Variants in IFNG observed in about 807,000 individuals in gnomAD.
The protein encoded by IFNG is interferon gamma.
IFNG carries 8 observed loss-of-function variants against 14.4 expected under a neutral mutation model. The observed-to-expected ratio is 0.56, with a 90% confidence interval of 0.33 to 1.00. The LOEUF is 1.00. Among genes scored for constraint, IFNG ranks in the 50% least tolerant of loss-of-function variants. The pLI, the probability that IFNG is intolerant of heterozygous loss-of-function variation, is 0.03. For synonymous variants in IFNG, 73 were observed against 65.4 expected (o/e 1.12, Z -0.56); for missense variants, 132 against 194.9 (o/e 0.68, Z 1.92).
At chr12:68,157,849 G>T in intron 3 of IFNG, 64 bp downstream of exon 3, 1 of 1,189,428 alleles carries the variant, frequency 8.4e-7, no homozygotes, top group Non-Finnish European at 1.2e-6. Flanking sequence ...TCTACTTTCT[G>T]GAGAATAAAT....
chr12:68,157,914 G>A lies in IFNG; in HGVS notation c.365C>T (p.Ser122Leu), dbSNP rs1476472852. Residue 122 changes from serine (S) to leucine (L), a missense_variant and splice_region_variant, in exon 3 of 4, where the codon TCG becomes TTG. By Grantham distance (145) the Ser-to-Leu change is moderately radical. Coordinates refer to ENST00000229135, the MANE Select transcript of IFNG (RefSeq NM_000619.3). ...RDDFEKLTNY[S>L]VTDLNVQRKA... ...AAGAAAGAATTTAAATAGCCTCACCGAATAATTAGTCAGCTTTTCGAAGTC... is the reference window on the plus strand; with the variant it reads ...AAGAAAGAATTTAAATAGCCTCACCAAATAATTAGTCAGCTTTTCGAAGTC... 1 of 1,588,924 alleles carries A rather than the reference G, an allele frequency of 6.3e-7. No individual in the cohort carries two copies. Among genetic ancestry groups the A allele is most frequent in the Non-Finnish European group, 8.6e-7 (1 of 1,165,810 alleles).
chr12:68,157,361 A>G (rs1882616315), intron 3 of IFNG, among the ~76,000 whole-genome samples: 2 of 152,090 alleles, frequency 1.3e-5, no homozygotes, highest in Non-Finnish European at 2.9e-5. Flanking sequence ...CTCATTTTCT[A>G]TTCTTTGCAT....
rs776667149 is a variant in IFNG at position 68,159,616 on chromosome 12, C to T, written c.-1G>A. ...CCAAGATATAACTTGTATATTTCAT[C>T]GTTTCCGAGAGAATTAAGCCAAAGA... On this transcript the variant is annotated 5_prime_UTR_variant, in exon 1 of 4. Coordinates refer to ENST00000229135, the MANE Select transcript of IFNG (RefSeq NM_000619.3). 4.5e-6 allele frequency: 7 copies of T among 1,539,658 alleles called. No individual in the cohort carries two copies. The South Asian group carries it at 4.6e-5, about 10-fold the overall frequency.
At position 68,158,236 on chromosome 12, in the gene IFNG, C is replaced by A. The variant is rs369065118; in HGVS notation, c.138G>T (p.Ala46=). ...KYFNAGHSDV[A]DNGTLFLGIL... ...TGCCTAAGAAAAGAGTTCCATTATC[C>A]GCTACATCTGAATGACCTGCATTCT... is the stretch of plus-strand genomic sequence containing the variant. The change falls in exon 2 of 4, where the codon GCG becomes GCT. Residue 46 remains alanine (A), a synonymous_variant. Coordinates refer to ENST00000229135, the MANE Select transcript of IFNG (RefSeq NM_000619.3). 1.2e-6 allele frequency: 2 copies of A among 1,606,192 alleles called. No individual in the cohort carries two copies. The highest frequency in any genetic ancestry group is 1.7e-6 in the Non-Finnish European group (2 of 1,177,328).
intron 1 of IFNG, among the ~76,000 whole-genome samples, chr12:68,158,973 G>A (rs1382366802): frequency 1.3e-5 from 2 of 152,122 alleles, no homozygotes; most frequent in Non-Finnish European, 1.5e-5. Context: ...GAGCAACGAA[G>A]TTCCGGAATA....
chr12:68,157,212 T>C (rs1225761019), intron 3 of IFNG, among the ~76,000 whole-genome samples: 3 of 152,206 alleles, frequency 2.0e-5, no homozygotes, highest in Admixed American at 2.0e-4. Flanking sequence ...ATAAATTCTA[T>C]CTATTTTTCC....
At chr12:68,158,309 C>T (rs747652681) in intron 1 of IFNG, 50 bp from the exon 2 acceptor site, 10 of 1,282,966 alleles carry the variant, frequency 7.8e-6, no homozygotes, top group African/African-American at 3.0e-5. Flanking sequence ...CATAAATTGC[C>T]TTAAAAATAT....
chr12:68,155,876 T>G (rs1330750567), intron 3 of IFNG, among the ~76,000 whole-genome samples: 2 of 152,222 alleles, frequency 1.3e-5, no homozygotes, highest in Non-Finnish European at 2.9e-5. Flanking sequence ...AGACTGTTTC[T>G]ATGACCTCTC....
In IFNG at chr12:68,159,535, A is replaced by G. The variant is rs200003408; in HGVS notation, c.81T>C (p.Tyr27=). Residue 27 remains tyrosine, a synonymous_variant, in exon 1 of 4, where the codon TAT becomes TAC. Transcript: ENST00000229135. Reference sequence around the variant, plus strand: ...TCTTAAGGTTTTCTGCTTCTTTTACATATGGGTCCTGGCAGTAACAGCCAA... The same window carrying G: ...TCTTAAGGTTTTCTGCTTCTTTTACGTATGGGTCCTGGCAGTAACAGCCAA... ...GSLGCYCQDP[Y]VKEAENLKKY... The G allele has an allele frequency of 1.1e-4, 178 of 1,599,168 alleles. No individual in the cohort carries two copies. Among genetic ancestry groups the G allele is most frequent in the Non-Finnish European group, 1.4e-4 (169 of 1,169,160 alleles).
chr12:68,155,378 A>G lies in IFNG; in HGVS notation c.476T>C (p.Phe159Ser). The change falls in exon 4 of 4, where the codon TTT becomes TCT. Residue 159 changes from phenylalanine to serine, a missense_variant. Coordinates refer to ENST00000229135, the MANE Select transcript of IFNG (RefSeq NM_000619.3). ...TTACTGGGATGCTCTTCGACCTCGA[A>G]ACAGCATCTGACTCCTTTTTCGCTT... The part of the protein sequence containing the change: ...TGKRKRSQML[F>S]RGRRASQ 1 of 1,610,298 alleles carries G rather than the reference A, an allele frequency of 6.2e-7. No homozygotes were observed. The highest frequency in any genetic ancestry group is 8.5e-7 in the Non-Finnish European group (1 of 1,177,938).
chr12:68,157,783 T>C, intron 3 of IFNG, 130 bp downstream of exon 3: 1 of 652,202 alleles, frequency 1.5e-6, no homozygotes, highest in East Asian at 2.6e-5. Flanking sequence ...AATAGTAAGG[T>C]AGAGTTTCAG....
At chr12:68,158,318 A>G (rs1193196448) in intron 1 of IFNG, 59 bp from the exon 2 acceptor site, 3 of 1,181,834 alleles carry the variant, frequency 2.5e-6, no homozygotes, top group African/African-American at 1.5e-5. Flanking sequence ...CCTTAAAAAT[A>G]TATTTCAAGT....
intron 1 of IFNG, 128 bp downstream of exon 1, chr12:68,159,374 T>A (rs1882651883): frequency 1.7e-6 from 1 of 578,382 alleles, no homozygotes; most frequent in East Asian, 2.8e-5. Context: ...TAGTCAATAA[T>A]TAACAAAATA....
intron 1 of IFNG, 34 bp from the exon 2 acceptor site, chr12:68,158,293 T>A (rs772019056): frequency 1.3e-4 from 192 of 1,472,348 alleles, no homozygotes; most frequent in Non-Finnish European, 1.7e-4. Context: ...TGGTTTACAA[T>A]TAGCCCATAA....
chr12:68,158,464 C>A (rs1279440872), intron 1 of IFNG, among the ~76,000 whole-genome samples: 2 of 152,034 alleles, frequency 1.3e-5, no homozygotes, highest in Non-Finnish European at 2.9e-5. Context: ...TTTTTTATTT[C>A]CCAATATAAC....
chr12:68,156,056 C>T (rs1321504768), intron 3 of IFNG, among the ~76,000 whole-genome samples: 1 of 152,168 alleles, frequency 6.6e-6, no homozygotes. Context: ...GTGCCCTGTG[C>T]ATTCACTAAG....
At chr12:68,156,280 A>AT (rs1882600185) in intron 3 of IFNG, among the ~76,000 whole-genome samples, 1 of 152,248 alleles carries the variant, frequency 6.6e-6, no homozygotes, top group Non-Finnish European at 1.5e-5. Context: ...AAAATTAAGA[A>AT]TTGCAACAAC....
chr12:68,156,117 G>A (rs1362624942), intron 3 of IFNG, among the ~76,000 whole-genome samples: 2 of 152,136 alleles, frequency 1.3e-5, no homozygotes, highest in Non-Finnish European at 2.9e-5. Context: ...ACTGATCTAG[G>A]TTAGGTACCC....
intron 1 of IFNG, among the ~76,000 whole-genome samples, chr12:68,158,498 G>T (rs914215137): frequency 6.6e-6 from 1 of 152,000 alleles, no homozygotes; most frequent in African/African-American, 2.4e-5. Flanking sequence ...TGTCACAAAT[G>T]AGCTCAACAA....
Sources: gnomAD v4.1 joint callset for allele counts (sites outside exome capture counted in the v4.1 genomes callset) on GRCh38, gnomAD v4.1.1 for gene constraint, MANE v1.5 for transcripts, NCBI Gene and HGNC (gene_info 2026-07-23, HGNC 2026-07-21) for gene names.